Variants in SNX27 observed in about 807,000 individuals in gnomAD.
The protein encoded by SNX27 is sorting nexin 27, also known as sorting nexin-27.
In SNX27, 22 loss-of-function variants were observed where a neutral mutation model predicts 71.6. That is an observed-to-expected ratio of 0.31 (90% CI 0.22 to 0.44). The LOEUF (loss-of-function observed/expected upper bound fraction) is 0.44. Among genes scored for constraint, SNX27 ranks in the 20% least tolerant of loss-of-function variants. The pLI is 1.00. For missense variants in SNX27, 531 were observed against 698.6 expected, an observed-to-expected ratio of 0.76 and a Z score of 2.70; for synonymous variants, 269 against 277.2, an observed-to-expected ratio of 0.97 and a Z score of 0.29.
chr1:151,686,395 T>G (rs1426919391), intron 8 of SNX27, among the ~76,000 whole-genome samples: 2 of 152,256 alleles, frequency 1.3e-5, no homozygotes, highest in Non-Finnish European at 2.9e-5. Context: ...ATTTTTAGAC[T>G]TGTTTATATT....
rs1669984650 is a variant in SNX27, at chr1:151,662,041, T to TC, written c.802-125_802-124insC. The TC allele has an allele frequency of 8.3e-6, 5 of 604,334 alleles. No individual in the cohort carries two copies. In the South Asian group the frequency reaches 1.0e-4, roughly 12 times the overall value. The allele number at this position is 604,334 out of a possible 1,614,324, so 37.4% of individuals were successfully genotyped here. Reference sequence around the variant, plus strand: ...TATGACTTGTAAATGTATTGATTTTTTTCCCGTTTTCATTGGAACTCACTT... The same window carrying TC: ...TATGACTTGTAAATGTATTGATTTTTCTTCCCGTTTTCATTGGAACTCACTT... On this transcript the variant is annotated intron_variant, in intron 4 of 11. Coordinates refer to ENST00000458013, the MANE Select transcript of SNX27 (RefSeq NM_001330723.2).
chr1:151,677,363 T>G (rs1319546636), intron 7 of SNX27: 2 of 152,192 alleles, frequency 1.3e-5, no homozygotes, highest in Non-Finnish European at 2.9e-5. Flanking sequence ...GGATTTTATA[T>G]TTTTATTGCT....
At chr1:151,690,975 TTTA>T (rs1423326798) in intron 8 of SNX27, among the ~76,000 whole-genome samples, 2 of 152,196 alleles carry the variant, frequency 1.3e-5, no homozygotes, top group Non-Finnish European at 2.9e-5. Context: ...GGCATTGCTG[TTTA>T]TTATAACCCC....
intron 7 of SNX27, among the ~76,000 whole-genome samples, chr1:151,680,790 ACTT>A (rs1390482908): frequency 6.6e-6 from 1 of 152,052 alleles, no homozygotes; most frequent in Non-Finnish European, 1.5e-5. Flanking sequence ...TCCCCCCTCT[ACTT>A]CTCTGCTGGC....
intron 2 of SNX27, among the ~76,000 whole-genome samples, chr1:151,650,610 T>A (rs971057797): frequency 6.6e-6 from 1 of 152,138 alleles, no homozygotes; most frequent in African/African-American, 2.4e-5. Context: ...TTTTAAAATT[T>A]ATTTATTTTT....
At chr1:151,693,305 C>A in intron 10 of SNX27, 119 bp from the exon 11 acceptor site, 9 of 1,093,918 alleles carry the variant, frequency 8.2e-6, no homozygotes, top group Non-Finnish European at 1.2e-5. Context: ...TGGTACTTGT[C>A]AGGGTTTTTC....
chr1:151,618,060 G>T (rs1391269049), intron 1 of SNX27, among the ~76,000 whole-genome samples: 5 of 150,534 alleles, frequency 3.3e-5, no homozygotes, highest in Non-Finnish European at 5.9e-5. Context: ...TAGAGATGGG[G>T]TTGCCATGTT....
chr1:151,655,985 A>G (rs1384508506), intron 2 of SNX27, among the ~76,000 whole-genome samples: 2 of 152,154 alleles, frequency 1.3e-5, no homozygotes, highest in African/African-American at 2.4e-5. Flanking sequence ...GCACTTTGGG[A>G]GGCCGAGGCG....
intron 1 of SNX27, among the ~76,000 whole-genome samples, chr1:151,637,752 C>CA (rs1175350228): frequency 6.6e-6 from 1 of 152,126 alleles, no homozygotes; most frequent in Non-Finnish European, 1.5e-5. Flanking sequence ...CAGACTCTGA[C>CA]AGAGACAATT....
intron 2 of SNX27, among the ~76,000 whole-genome samples, chr1:151,649,480 G>A (rs1328329149): frequency 6.6e-6 from 1 of 152,050 alleles, no homozygotes; most frequent in Non-Finnish European, 1.5e-5. Flanking sequence ...TTACTTGGGA[G>A]GCTGAGGCAG....
intron 1 of SNX27, among the ~76,000 whole-genome samples, chr1:151,630,393 A>G (rs1365596641): frequency 1.3e-5 from 2 of 152,168 alleles, no homozygotes; most frequent in African/African-American, 4.8e-5. Context: ...GATATTAAAA[A>G]TAATTAAGAT....
chr1:151,642,075 A>C (rs984784341), intron 2 of SNX27, among the ~76,000 whole-genome samples: 10 of 150,880 alleles, frequency 6.6e-5, no homozygotes, highest in African/African-American at 2.4e-4. Context: ...AGCTTGAAAA[A>C]GGACTTAGAT....
Position 151,612,094 on chromosome 1 carries a change from C to CGGATCGGGCGCGCGCGTCGGGG in SNX27, c.-106_-85dup. 18 of 1,184,512 alleles carry CGGATCGGGCGCGCGCGTCGGGG rather than the reference C, an allele frequency of 1.5e-5. No homozygotes were observed. Among genetic ancestry groups the CGGATCGGGCGCGCGCGTCGGGG allele is most frequent in the Non-Finnish European group, 1.6e-5 (15 of 927,646 alleles). The allele number at this position is 1,184,512 out of a possible 1,614,324, so 73.4% of individuals were successfully genotyped here. A position where few individuals can be genotyped will look rare whatever the true frequency, so the allele number is the denominator to read the frequency against. ...GTGGCCGAGTCGGTCCCGCGGCCGG[C>CGGATCGGGCGCGCGCGTCGGGG]GGATCGGGCGCGCGCGTCGGGGGTC... On this transcript the variant is annotated 5_prime_UTR_variant, in exon 1 of 12. Coordinates refer to ENST00000458013, the MANE Select transcript of SNX27 (RefSeq NM_001330723.2). This position sits in a 1 kb window ranked among gnomAD's most constrained non-coding sequence, Gnocchi z 5.2.
rs1198284336 is a variant in SNX27, at chr1:151,692,971, A to G, written c.1450A>G (p.Met484Val). Residue 484 changes from methionine to valine, a missense_variant, in exon 10 of 12, where the codon ATG (methionine) becomes GTG (valine). Coordinates refer to ENST00000458013, the MANE Select transcript of SNX27 (RefSeq NM_001330723.2). Reference sequence around the variant, plus strand: ...GCGATGGGACACAGATGAAGAAGGGATGGCCTTCTGTTTCGAATATGCACG... The same window carrying G: ...GCGATGGGACACAGATGAAGAAGGGGTGGCCTTCTGTTTCGAATATGCACG... ...MQRWDTDEEG[M>V]AFCFEYARGE... 2.5e-6 allele frequency: 4 copies of G among 1,614,040 alleles called. No individual in the cohort carries two copies. The South Asian group carries it at 3.3e-5, about 13-fold the overall frequency.
intron 3 of SNX27, chr1:151,659,773 C>T (rs1480329475): frequency 2.0e-5 from 3 of 152,210 alleles, no homozygotes; most frequent in Non-Finnish European, 4.4e-5. Flanking sequence ...CAGATCTCCT[C>T]AATAAGATAG....
intron 8 of SNX27, among the ~76,000 whole-genome samples, chr1:151,688,631 C>CAA (rs34779390): frequency 0.029 from 3,339 of 116,728 alleles, 114 homozygotes; most frequent in African/African-American, 0.075. Flanking sequence ...GACTCTGTCT[C>CAA]AAAAAAAAAA....
chr1:151,624,594 G>A (rs944955018), intron 1 of SNX27, among the ~76,000 whole-genome samples: 6 of 151,088 alleles, frequency 4.0e-5, no homozygotes, highest in Non-Finnish European at 8.8e-5. Flanking sequence ...AGCACGCCCG[G>A]CTAATTTCTG....
intron 1 of SNX27, among the ~76,000 whole-genome samples, chr1:151,623,313 T>TG (rs1288917103): frequency 2.0e-5 from 3 of 152,182 alleles, no homozygotes; most frequent in Non-Finnish European, 4.4e-5. Flanking sequence ...GCTAATTTTT[T>TG]GTATTTTTAG....
chr1:151,658,827 G>A (rs1429449326), intron 3 of SNX27, among the ~76,000 whole-genome samples: 1 of 146,732 alleles, frequency 6.8e-6, no homozygotes, highest in African/African-American at 2.5e-5. Context: ...TGGGACTATA[G>A]GCACATGCCA....
Sources: gnomAD v4.1 joint callset for allele counts (sites outside exome capture counted in the v4.1 genomes callset) on GRCh38, gnomAD v4.1.1 for gene constraint, Gnocchi (gnomAD v3.1) non-coding constraint, MANE v1.5 for transcripts, NCBI Gene and HGNC (gene_info 2026-07-23, HGNC 2026-07-21) for gene names.